Variants in SATB2 observed in about 807,000 individuals in gnomAD.
The protein encoded by SATB2 is DNA-binding protein SATB2.
In SATB2, 1 loss-of-function variant was observed where a neutral mutation model predicts 73.4. The ratio of observed to expected loss-of-function variants is 0.01; its 90% CI spans 0.00 to 0.06. The LOEUF is 0.06. Ranked by LOEUF, SATB2 falls within the 10% of genes least tolerant of loss-of-function variation. SATB2 has a pLI of 1.00. For missense variants in SATB2, 459 were observed against 945.8 expected, an observed-to-expected ratio of 0.49 and a Z score of 6.75; for synonymous variants, 397 against 367.0, an observed-to-expected ratio of 1.08 and a Z score of -0.93.
At chr2:199,459,271 C>A (rs1035222634), upstream of SATB2, among the ~76,000 whole-genome samples, 5 of 151,958 alleles carry the variant, frequency 3.3e-5, no homozygotes, top group Admixed American at 6.5e-5. The surrounding 1 kb of genome is among the most constrained non-coding windows in gnomAD (Gnocchi z 4.2). Flanking sequence ...AGGAGCGTCC[C>A]CAGCAGGTCC....
intron 10 of SATB2, among the ~76,000 whole-genome samples, chr2:199,280,683 G>A (rs1692461615): frequency 6.6e-6 from 1 of 152,108 alleles, no homozygotes; most frequent in Non-Finnish European, 1.5e-5. Flanking sequence ...AGGCTTATTA[G>A]GACGAGGAAA....
chr2:199,409,523 T>TA (rs1459810923), intron 3 of SATB2, among the ~76,000 whole-genome samples: 2 of 152,234 alleles, frequency 1.3e-5, no homozygotes, highest in Admixed American at 6.5e-5. Flanking sequence ...ATTGCATAGT[T>TA]AATACGACTT....
intron 2 of SATB2, among the ~76,000 whole-genome samples, chr2:199,442,467 C>T (rs1463428476): frequency 3.3e-5 from 5 of 152,174 alleles, no homozygotes; most frequent in South Asian, 2.1e-4. Context: ...GGGGTCTTGT[C>T]GGCAGTCCTA....
Position 199,463,813 on chromosome 2 carries a change from C to T in SATB2, c.-141+1023G>A, listed in dbSNP as rs1048809399. Among the ~76,000 whole-genome samples the T allele has an allele frequency of 2.6e-5, 4 of 152,204 alleles. No homozygotes were observed. The highest frequency in any genetic ancestry group is 9.7e-5 in the African/African-American group (4 of 41,448). ...TACACCTGGAAAGCCCAAGATAGCACCCGGTCCGCACCCCAAATTTCAGGC... is the reference window on the plus strand; with the variant it reads ...TACACCTGGAAAGCCCAAGATAGCATCCGGTCCGCACCCCAAATTTCAGGC... On this transcript the variant is annotated intron_variant, in intron 1 of 11. Transcript: ENST00000260926. This position sits in a 1 kb window ranked among gnomAD's most constrained non-coding sequence, Gnocchi z 6.4.
At chr2:199,278,789 C>T (rs574944717) in intron 10 of SATB2, among the ~76,000 whole-genome samples, 1 of 152,264 alleles carries the variant, frequency 6.6e-6, no homozygotes, top group Admixed American at 6.5e-5. Flanking sequence ...GGCACTTCTA[C>T]CCTCAAAAGA....
At chr2:199,366,965 G>C (rs1689304637) in intron 6 of SATB2, among the ~76,000 whole-genome samples, 1 of 151,962 alleles carries the variant, frequency 6.6e-6, no homozygotes, top group Admixed American at 6.6e-5. Flanking sequence ...GAAAACACTA[G>C]AGTGAAGAGT....
At chr2:199,449,475 A>G (rs1335809210) in intron 2 of SATB2, among the ~76,000 whole-genome samples, 2 of 152,208 alleles carry the variant, frequency 1.3e-5, no homozygotes, top group African/African-American at 4.8e-5. Context: ...TTTTACAAAA[A>G]CACTGTAGCA....
chr2:199,329,928 T>C (rs1003095184), intron 7 of SATB2, among the ~76,000 whole-genome samples: 6 of 152,164 alleles, frequency 3.9e-5, no homozygotes, highest in African/African-American at 1.4e-4. Flanking sequence ...TCCCAGCTAA[T>C]ATATTGCTTC....
At chr2:199,334,327 C>T (rs13426462) in intron 7 of SATB2, among the ~76,000 whole-genome samples, 18,395 of 152,160 alleles carry the variant, frequency 0.12, 1,329 homozygotes, top group South Asian at 0.32. Flanking sequence ...AATCAAGTTA[C>T]ATCTCTTTAA....
chr2:199,407,842 C>T (rs772928560), intron 3 of SATB2, among the ~76,000 whole-genome samples: 29 of 151,910 alleles, frequency 1.9e-4, no homozygotes, highest in Non-Finnish European at 3.7e-4. Context: ...TGCATAGAAG[C>T]GATATCTGAT....
intron 3 of SATB2, among the ~76,000 whole-genome samples, chr2:199,416,624 G>A (rs979775460): frequency 2.0e-5 from 3 of 152,164 alleles, no homozygotes; most frequent in Admixed American, 2.0e-4. Context: ...GACTGGAGAG[G>A]TGAAGAAAAA....
intron 6 of SATB2, among the ~76,000 whole-genome samples, chr2:199,356,687 C>A (rs1312691469): frequency 2.0e-5 from 3 of 152,168 alleles, no homozygotes; most frequent in African/African-American, 7.2e-5. Context: ...ACTTTTTCCT[C>A]TTTTTGTGAA....
chr2:199,424,858 G>C (rs1267573491), intron 3 of SATB2, among the ~76,000 whole-genome samples: 1 of 152,150 alleles, frequency 6.6e-6, no homozygotes, highest in East Asian at 1.9e-4. Flanking sequence ...AAAACTAGGA[G>C]TTATATCAAT....
intron 10 of SATB2, among the ~76,000 whole-genome samples, chr2:199,276,979 G>A (rs1032094666): frequency 6.6e-6 from 1 of 152,048 alleles, no homozygotes; most frequent in Non-Finnish European, 1.5e-5. Flanking sequence ...CCGAGCAGTA[G>A]GAAAAATGAA....
intron 10 of SATB2, among the ~76,000 whole-genome samples, chr2:199,294,290 A>T (rs1692960132): frequency 6.6e-6 from 1 of 152,178 alleles, no homozygotes; most frequent in Admixed American, 6.5e-5. Context: ...CACCTCTACT[A>T]CATCTGTATT....
intron 10 of SATB2, among the ~76,000 whole-genome samples, chr2:199,288,149 G>A (rs559996830): frequency 1.3e-5 from 2 of 152,242 alleles, no homozygotes; most frequent in Non-Finnish European, 1.5e-5. Context: ...AATACTTTAT[G>A]GGGAAGTTTC....
chr2:199,410,362 G>A (rs974020861), intron 3 of SATB2, among the ~76,000 whole-genome samples: 38 of 152,218 alleles, frequency 2.5e-4, no homozygotes, highest in African/African-American at 8.7e-4. Flanking sequence ...ATTGTAAAAT[G>A]AGTCATTGTT....
At chr2:199,407,112 G>A (rs1474658951) in intron 3 of SATB2, among the ~76,000 whole-genome samples, 2 of 151,950 alleles carry the variant, frequency 1.3e-5, no homozygotes, top group Non-Finnish European at 2.9e-5. Flanking sequence ...CTTGAGGTCA[G>A]GAGTTCAGGA....
chr2:199,352,154 G>C (rs369208808), intron 6 of SATB2, among the ~76,000 whole-genome samples: 70 of 152,282 alleles, frequency 4.6e-4, no homozygotes, highest in African/African-American at 1.7e-3. Context: ...GATTACAGGC[G>C]TGAGCCACTG....
Sources: allele counts gnomAD v4.1 joint callset (sites outside exome capture counted in the v4.1 genomes callset), GRCh38; gene constraint gnomAD v4.1.1; non-coding constraint Gnocchi (gnomAD v3.1); transcripts MANE v1.5; gene names NCBI Gene and HGNC (gene_info 2026-07-23, HGNC 2026-07-21).